Variants in DNAH3 observed in about 807,000 individuals in gnomAD.
The protein encoded by DNAH3 is dynein axonemal heavy chain 3, also known as axonemal beta dynein heavy chain 3.
In DNAH3, 332 loss-of-function variants were observed where a neutral mutation model predicts 432.5. The ratio of observed to expected loss-of-function variants is 0.77; its 90% CI spans 0.70 to 0.84. The LOEUF is 0.84. DNAH3 is among the 40% of genes least tolerant of loss of function. DNAH3 has a pLI of 0.00. For synonymous variants in DNAH3, 1,956 were observed against 1,900.2 expected, an observed-to-expected ratio of 1.03 and a Z score of -0.76; for missense variants, 4,861 against 5,114.0, an observed-to-expected ratio of 0.95 and a Z score of 1.51.
At chr16:21,092,778 A>G (rs1298132295) in intron 18 of DNAH3, among the ~76,000 whole-genome samples, 1 of 151,838 alleles carries the variant, frequency 6.6e-6, no homozygotes, top group East Asian at 1.9e-4. Flanking sequence ...AAAATTCAAC[A>G]ATAGGAAAAC....
intron 1 of DNAH3, among the ~76,000 whole-genome samples, chr16:21,147,244 G>A (rs1208435065): frequency 1.3e-5 from 2 of 149,420 alleles, no homozygotes; most frequent in East Asian, 2.0e-4. Flanking sequence ...TTTTGAGATA[G>A]TCTCTCACTC....
intron 35 of DNAH3, 124 bp from the exon 36 acceptor site, chr16:21,034,209 G>A: frequency 1.6e-6 from 1 of 613,800 alleles, no homozygotes; most frequent in South Asian, 2.0e-5. Context: ...TCTACCTCTG[G>A]AGAACTTCGG....
At chr16:21,119,146 C>CCA (rs2152810251) in intron 11 of DNAH3, among the ~76,000 whole-genome samples, 1 of 152,082 alleles carries the variant, frequency 6.6e-6, no homozygotes, top group East Asian at 1.9e-4. Context: ...CTGGTCAATG[C>CCA]GTGAATGAAA....
In DNAH3 at chr16:21,067,280, T is replaced by C; in HGVS notation, c.3518+3A>G. On this transcript the variant is annotated splice_donor_region_variant and intron_variant, in intron 24 of 61. Coordinates refer to ENST00000261383, the Ensembl canonical transcript of DNAH3. ...TTCCAAATAAAAGAACAATGCTGGA[T>C]ACCTGGGGAAGAATAGTCTCTTCTT... 1 of 1,613,984 alleles carries C rather than the reference T, an allele frequency of 6.2e-7. No homozygotes were observed. Among genetic ancestry groups the C allele is most frequent in the Non-Finnish European group, 8.5e-7 (1 of 1,179,868 alleles).
At position 21,031,184 on chromosome 16, in the gene DNAH3, C is replaced by T. The variant is rs1410908991; in HGVS notation, c.5300G>A (p.Trp1767Ter). The T allele has an allele frequency of 1.2e-6, 2 of 1,614,156 alleles. No homozygotes were observed. The highest frequency in any genetic ancestry group is 2.7e-5 in the African/African-American group (2 of 75,034). Residue 1767 changes from tryptophan (W) to a stop codon, truncating the protein, a stop_gained, in exon 37 of 62, where the codon TGG becomes TAG. Transcript: ENST00000261383. LOFTEE classifies it high-confidence loss of function. ...AGCATTGGCAAGGACACCATCCATC[C>T]ACTCGTGGCTCACTTGGTCAAAGCA...
chr16:21,027,379 G>A (rs1349565702), intron 37 of DNAH3, among the ~76,000 whole-genome samples: 1 of 152,100 alleles, frequency 6.6e-6, no homozygotes, highest in African/African-American at 2.4e-5. Context: ...TGTTCGAAGT[G>A]GTGAAAAGTG....
chr16:21,004,971 T>C (rs1264990357), intron 41 of DNAH3, among the ~76,000 whole-genome samples: 1 of 152,186 alleles, frequency 6.6e-6, no homozygotes, highest in African/African-American at 2.4e-5. Flanking sequence ...TTATGTTTTT[T>C]TCTGCAACCA....
At chr16:20,979,332 G>T in exon 50 of DNAH3, 1 of 1,613,840 alleles carries the variant, frequency 6.2e-7, no homozygotes, top group East Asian at 2.2e-5. Context: ...GTGCTCACCT[G>T]AGAAGCTGCA....
intron 18 of DNAH3, among the ~76,000 whole-genome samples, chr16:21,091,354 T>C (rs1009663752): frequency 2.7e-5 from 4 of 147,890 alleles, no homozygotes; most frequent in African/African-American, 1.0e-4. Context: ...CAACTAAAAA[T>C]AAATAAGTAA....
chr16:20,987,912 A>G (rs2152674402), intron 45 of DNAH3, 30 bp downstream of exon 45: 2 of 1,614,158 alleles, frequency 1.2e-6, no homozygotes, highest in African/African-American at 1.3e-5. Context: ...CCCCCAGCCC[A>G]CTATCCAGGA....
chr16:20,967,426 C>CTAAT (rs768706506), intron 52 of DNAH3, among the ~76,000 whole-genome samples: 1 of 150,716 alleles, frequency 6.6e-6, no homozygotes, highest in Non-Finnish European at 1.5e-5. Flanking sequence ...AAAAAAAATC[C>CTAAT]TAATGCTCAG....
rs148494816 is a variant in DNAH3 at position 21,099,245 on chromosome 16, G to T, written c.2367-476C>A. The stretch of plus-strand genomic sequence containing the variant: ...CCTAGACAATAGACATGGATGGATG[G>T]ATGGATGGATGGATGGATGGATGGA... On this transcript the variant is annotated intron_variant, in intron 16 of 61. Transcript: ENST00000261383. Among the ~76,000 whole-genome samples, 89 of 151,554 alleles carry T rather than the reference G, an allele frequency of 5.9e-4. 2 individuals carry two copies. In the East Asian group the frequency reaches 0.016, roughly 27 times the overall value.
At chr16:20,948,051 C>T (rs1276710577) in intron 57 of DNAH3, among the ~76,000 whole-genome samples, 2 of 152,222 alleles carry the variant, frequency 1.3e-5, no homozygotes, top group Admixed American at 6.5e-5. Context: ...GCTGAGATTA[C>T]AGGCGTGAGC....
At chr16:20,965,798 C>A (rs1297970382) in intron 52 of DNAH3, among the ~76,000 whole-genome samples, 1 of 151,718 alleles carries the variant, frequency 6.6e-6, no homozygotes, top group African/African-American at 2.4e-5. Flanking sequence ...CTGCAACCTT[C>A]GCCTCCTGGG....
chr16:21,139,320 C>CTTTTGTTTTTTTTTT (rs2092687340), intron 5 of DNAH3, among the ~76,000 whole-genome samples: 1 of 29,630 alleles, frequency 3.4e-5, no homozygotes, highest in Non-Finnish European at 5.3e-5. Context: ...TTTCCTCATG[C>CTTTTGTTTTTTTTTT]TTTTTTTTTT....
chr16:21,100,403 T>C (rs576375885), intron 16 of DNAH3, among the ~76,000 whole-genome samples: 1 of 152,268 alleles, frequency 6.6e-6, no homozygotes, highest in Admixed American at 6.5e-5. Context: ...TTATTTTTGT[T>C]TTGTAATAAG....
At position 21,099,233 on chromosome 16, in the gene DNAH3, C is replaced by CATGGATGGATGT. The variant is rs1555556981; in HGVS notation, c.2367-465_2367-464insACATCCATCCAT. On this transcript the variant is annotated intron_variant, in intron 16 of 61. Coordinates refer to ENST00000261383, the Ensembl canonical transcript of DNAH3. ...AACTGAGGGAGACCTAGACAATAGA[C>CATGGATGGATGT]ATGGATGGATGGATGGATGGATGGA... Among the ~76,000 whole-genome samples, 3 of 149,694 alleles carry CATGGATGGATGT rather than the reference C, an allele frequency of 2.0e-5. No individual in the cohort carries two copies. In the East Asian group the frequency reaches 5.9e-4, roughly 30 times the overall value.
rs751724680 is a variant in DNAH3 at position 20,987,698 on chromosome 16, G to GGT, written c.6875_6876dup (p.Leu2293ThrfsTer5). 1 of 1,613,610 alleles carries GGT rather than the reference G, an allele frequency of 6.2e-7. No individual in the cohort carries two copies. The highest frequency in any genetic ancestry group is 1.7e-5 in the Admixed American group (1 of 60,016). On this transcript the variant is annotated frameshift_variant, in exon 46 of 62. Transcript: ENST00000261383. LOFTEE classifies it high-confidence loss of function. ...GTAAAATGATAGTGGCTGACCTGCAGGTGTGTGTGAGGGCACAGCAGGACC... is the reference window on the plus strand; with the variant it reads ...GTAAAATGATAGTGGCTGACCTGCAGGTGTGTGTGTGAGGGCACAGCAGGACC...
chr16:21,027,056 G>T (rs2088604674), exon 38 of DNAH3: 2 of 1,613,466 alleles, frequency 1.2e-6, no homozygotes, highest in Non-Finnish European at 1.7e-6. Context: ...AGGCTTGCTC[G>T]AGGTCGGCGG....
Sources: gnomAD v4.1 joint callset for allele counts (sites outside exome capture counted in the v4.1 genomes callset) on GRCh38, gnomAD v4.1.1 for gene constraint, MANE v1.5 for transcripts, NCBI Gene and HGNC (gene_info 2026-07-23, HGNC 2026-07-21) for gene names.